TRIM43B: variants seen among roughly 807,000 people sequenced by gnomAD.
The protein encoded by TRIM43B is tripartite motif containing 43B.
TRIM43B carries 15 observed loss-of-function variants against 27.0 expected under a neutral mutation model. The ratio of observed to expected loss-of-function variants is 0.55; its 90% CI spans 0.37 to 0.85. TRIM43B has a LOEUF of 0.85. Ranked by LOEUF, TRIM43B falls within the 40% of genes least tolerant of loss-of-function variation. The probability of loss-of-function intolerance (pLI) is 0.00; values close to 1 mark genes in which losing one functional copy is unlikely to be tolerated. For synonymous variants in TRIM43B, 69 were observed against 97.8 expected (o/e 0.71, Z 1.74); for missense variants, 172 against 289.8 (o/e 0.59, Z 2.95).
At chr2:95,481,533 T>C in intron 3 of TRIM43B, 62 bp downstream of exon 3, 1 of 1,305,742 alleles carries the variant, frequency 7.7e-7, no homozygotes, top group South Asian at 1.6e-5. Context: ...AAGTTGCTAA[T>C]ATAAATGTTG....
Position 95,483,988 on chromosome 2 carries a change from A to T in TRIM43B, c.-5+618T>A, listed in dbSNP as rs181073346. 2.0e-3 allele frequency among the ~76,000 whole-genome samples: 301 copies of T among 149,754 alleles called. 1 individual carries two copies. The highest frequency in any genetic ancestry group is 7.1e-3 in the African/African-American group (292 of 40,916). ...TTTTGGGAGGCCAAGTCAGGCAGGT[A>T]TTTTGAGCTCAGGAACTCTAGACTG... On this transcript the variant is annotated intron_variant, in intron 1 of 6. Transcript: ENST00000639673.
At chr2:95,481,878 A>G (rs1683533490) in intron 2 of TRIM43B, among the ~76,000 whole-genome samples, 188 bp from the exon 3 acceptor site, 1 of 152,038 alleles carries the variant, frequency 6.6e-6, no homozygotes, top group African/African-American at 2.4e-5. Context: ...CAGTTTAGGG[A>G]ACTGAAGAGT....
At chr2:95,483,547 G>C (rs575201732) in intron 1 of TRIM43B, among the ~76,000 whole-genome samples, 127 of 151,796 alleles carry the variant, frequency 8.4e-4, no homozygotes, top group African/African-American at 3.0e-3. Context: ...GGCCGGGCAC[G>C]GTGGCTGACG....
At chr2:95,484,300 A>AG (rs1269982293) in intron 1 of TRIM43B, among the ~76,000 whole-genome samples, 1 of 152,020 alleles carries the variant, frequency 6.6e-6, no homozygotes, top group Admixed American at 6.6e-5. Context: ...TGAACCTGGA[A>AG]GGCGGAGGTT....
intron 2 of TRIM43B, 71 bp from the exon 3 acceptor site, chr2:95,481,761 G>A (rs1683530553): frequency 6.7e-6 from 10 of 1,503,572 alleles, no homozygotes; most frequent in Non-Finnish European, 9.0e-6. Context: ...GTATAAGCAG[G>A]CAAGGGATCT....
At chr2:95,484,216 A>G (rs1293893146) in intron 1 of TRIM43B, among the ~76,000 whole-genome samples, 3 of 151,998 alleles carry the variant, frequency 2.0e-5, no homozygotes, top group South Asian at 2.1e-4. Context: ...TAAAAAAAAT[A>G]CAAAATTTAG....
At chr2:95,481,168 G>T (rs1485383926) in intron 3 of TRIM43B, among the ~76,000 whole-genome samples, 1 of 151,764 alleles carries the variant, frequency 6.6e-6, no homozygotes, top group Non-Finnish European at 1.5e-5. Flanking sequence ...CTCCTACTCG[G>T]ACTGGCATCA....
chr2:95,484,217 C>G, intron 1 of TRIM43B, among the ~76,000 whole-genome samples: 1 of 151,552 alleles, frequency 6.6e-6, no homozygotes. Flanking sequence ...AAAAAAAATA[C>G]AAAATTTAGA....
chr2:95,484,109 G>T (rs1444774173), intron 1 of TRIM43B, among the ~76,000 whole-genome samples: 2 of 150,422 alleles, frequency 1.3e-5, no homozygotes, highest in African/African-American at 4.9e-5. Context: ...GGTGGCTCAG[G>T]CCTGTAATCC....
At chr2:95,481,805 A>G (rs988538568) in intron 2 of TRIM43B, 115 bp from the exon 3 acceptor site, 3 of 1,075,408 alleles carry the variant, frequency 2.8e-6, no homozygotes, top group Non-Finnish European at 3.9e-6. Context: ...GGAGAAAAAA[A>G]CAAAATTTTT....
intron 1 of TRIM43B, among the ~76,000 whole-genome samples, chr2:95,484,146 G>A (rs889198356): frequency 1.3e-5 from 2 of 150,674 alleles, no homozygotes; most frequent in African/African-American, 4.9e-5. Context: ...CGAGGTGAAC[G>A]GATCACAAGA....
At chr2:95,482,320 G>T in exon 2 of TRIM43B, 1 of 1,611,592 alleles carries the variant, frequency 6.2e-7, no homozygotes, top group East Asian at 2.2e-5. Flanking sequence ...TTCCTCAGCT[G>T]CCTCTTCGAT....
chr2:95,483,863 C>G (rs1395237405), intron 1 of TRIM43B, among the ~76,000 whole-genome samples: 1 of 151,852 alleles, frequency 6.6e-6, no homozygotes, highest in African/African-American at 2.4e-5. Flanking sequence ...AAACGAGGCA[C>G]TAGACAGTTA....
intron 1 of TRIM43B, among the ~76,000 whole-genome samples, chr2:95,483,367 C>G (rs569216274): frequency 4.5e-4 from 68 of 152,234 alleles, no homozygotes; most frequent in African/African-American, 1.6e-3. Context: ...GGCATGTTTC[C>G]TGTTCCTGGA....
intron 1 of TRIM43B, 74 bp from the exon 2 acceptor site, chr2:95,482,792 A>G (rs1316615592): frequency 2.7e-5 from 41 of 1,535,844 alleles, no homozygotes; most frequent in Non-Finnish European, 3.4e-5. Context: ...TTTGAATCAG[A>G]TCGTGATCGA....
intron 3 of TRIM43B, 90 bp downstream of exon 3, chr2:95,481,505 A>G: frequency 6.7e-6 from 6 of 893,254 alleles, no homozygotes; most frequent in Non-Finnish European, 8.2e-6. Flanking sequence ...AAAATCTGGC[A>G]TATGAGAATT....
At chr2:95,481,944 C>G (rs1266067836) in intron 2 of TRIM43B, among the ~76,000 whole-genome samples, 16 of 151,732 alleles carry the variant, frequency 1.1e-4, no homozygotes, top group Non-Finnish European at 2.9e-5. Flanking sequence ...GCTTCAGAAC[C>G]CACTATGCTA....
In TRIM43B at chr2:95,481,707, G is replaced by A. The variant is rs756731947; in HGVS notation, c.412-17C>T. On this transcript the variant is annotated splice_polypyrimidine_tract_variant and intron_variant, in intron 2 of 6. Coordinates refer to ENST00000639673, the Ensembl canonical transcript of TRIM43B. ...GAGTTTCTCCTGCAAAAGAATTAAA[G>A]GTTGAACAGAAAGTCAAATACCAAA... 11 of 1,607,984 alleles carry A rather than the reference G, an allele frequency of 6.8e-6. No individual in the cohort carries two copies. In the African/African-American group the frequency reaches 1.2e-4, roughly 18 times the overall value.
intron 2 of TRIM43B, among the ~76,000 whole-genome samples, chr2:95,481,929 A>T (rs1357923959): frequency 6.6e-6 from 1 of 151,914 alleles, no homozygotes; most frequent in African/African-American, 2.4e-5. Flanking sequence ...TCAGGGAAAC[A>T]TCCTGCTTCA....
Sources: allele counts gnomAD v4.1 joint callset (sites outside exome capture counted in the v4.1 genomes callset), GRCh38; gene constraint gnomAD v4.1.1; transcripts MANE v1.5; gene names NCBI Gene and HGNC (gene_info 2026-07-23, HGNC 2026-07-21).